Variants in ERBB4 observed in about 807,000 individuals in gnomAD.
ERBB4 encodes the protein erb-b2 receptor tyrosine kinase 4, also known as receptor tyrosine-protein kinase erbB-4.
ERBB4 carries 42 observed loss-of-function variants against 158.0 expected under a neutral mutation model. That is an observed-to-expected ratio of 0.27 (90% CI 0.21 to 0.34). The LOEUF is 0.34. ERBB4 is among the 10% of genes least tolerant of loss of function. The pLI is 1.00. For synonymous variants in ERBB4, 583 were observed against 558.7 expected (o/e 1.04, Z -0.61); for missense variants, 1,333 against 1,624.1 (o/e 0.82, Z 3.08).
intron 1 of ERBB4, among the ~76,000 whole-genome samples, chr2:212,164,520 A>C (rs2081291744): frequency 6.6e-6 from 1 of 151,994 alleles, no homozygotes; most frequent in African/African-American, 2.4e-5. Flanking sequence ...ATGTATCCTT[A>C]ACTTTGAAAT....
intron 1 of ERBB4, among the ~76,000 whole-genome samples, chr2:212,443,467 T>C (rs1477197693): frequency 1.3e-5 from 2 of 152,160 alleles, no homozygotes; most frequent in East Asian, 1.9e-4. Context: ...AGGTGAAGCA[T>C]AAGTTGCTGC....
intron 21 of ERBB4, 116 bp from the exon 22 acceptor site, chr2:211,428,599 T>TATAG: frequency 3.4e-6 from 2 of 590,526 alleles, no homozygotes; most frequent in Non-Finnish European, 6.2e-6. Flanking sequence ...ATTATGTGTG[T>TATAG]ATAGATATAA....
At chr2:212,423,481 T>C (rs1206855822) in intron 1 of ERBB4, among the ~76,000 whole-genome samples, 2 of 152,184 alleles carry the variant, frequency 1.3e-5, no homozygotes, top group Non-Finnish European at 2.9e-5. Context: ...GAAAATGCCA[T>C]ATTGATCATT....
At position 212,380,456 on chromosome 2, in the gene ERBB4, C is replaced by CTGTGTGTGTGTG. The variant is rs6147158; in HGVS notation, c.82+157981_82+157992dup. ...ATACCTCAGATACTGAGGAATGACTCTGTGTGTGTGTGTGTGTGTGTGTGT... is the reference window on the plus strand; with the variant it reads ...ATACCTCAGATACTGAGGAATGACTCTGTGTGTGTGTGTGTGTGTGTGTGTGTGTGTGTGTGT... On this transcript the variant is annotated intron_variant, in intron 1 of 27. Transcript: ENST00000342788. 3.3e-3 allele frequency among the ~76,000 whole-genome samples: 471 copies of CTGTGTGTGTGTG among 143,128 alleles called. 4 individuals carry two copies. The highest frequency in any genetic ancestry group is 9.9e-3 in the African/African-American group (383 of 38,828). 93.9% of individuals were successfully genotyped at this position (143,128 alleles called of 152,430 possible).
intron 1 of ERBB4, among the ~76,000 whole-genome samples, chr2:212,322,104 G>T (rs922166462): frequency 5.3e-5 from 8 of 150,304 alleles, no homozygotes. Context: ...TTTGAAAATT[G>T]AGCCTCTATG....
chr2:212,210,480 T>C (rs752431898), intron 1 of ERBB4, among the ~76,000 whole-genome samples: 3 of 152,116 alleles, frequency 2.0e-5, no homozygotes, highest in African/African-American at 4.8e-5. Context: ...CTATAAGATT[T>C]TCAGTTTCAT....
intron 1 of ERBB4, among the ~76,000 whole-genome samples, chr2:212,263,182 G>A (rs2085006554): frequency 6.6e-6 from 1 of 152,100 alleles, no homozygotes; most frequent in Non-Finnish European, 1.5e-5. Context: ...CACCAGAAGC[G>A]AGGAGAGAAA....
intron 1 of ERBB4, among the ~76,000 whole-genome samples, chr2:212,343,949 A>AT (rs879896900): frequency 7.9e-5 from 12 of 152,040 alleles, no homozygotes; most frequent in East Asian, 1.9e-4. Flanking sequence ...TTCCAATGCA[A>AT]TTTTTTTTCC....
intron 5 of ERBB4, among the ~76,000 whole-genome samples, chr2:211,731,628 A>G (rs948702585): frequency 1.1e-4 from 16 of 152,152 alleles, no homozygotes; most frequent in African/African-American, 3.9e-4. Context: ...AATGTTCTCT[A>G]GAGGTACCCT....
At chr2:212,248,191 GT>G (rs1359499814) in intron 1 of ERBB4, among the ~76,000 whole-genome samples, 2 of 152,100 alleles carry the variant, frequency 1.3e-5, no homozygotes, top group African/African-American at 2.4e-5. Context: ...AAAGAAATAT[GT>G]GTTTAGTGCC....
chr2:212,455,093 C>T (rs758885910), intron 1 of ERBB4, among the ~76,000 whole-genome samples: 16 of 152,146 alleles, frequency 1.1e-4, no homozygotes, highest in Admixed American at 2.6e-4. Flanking sequence ...GGGGCTAAGT[C>T]ATAACTTAAT....
chr2:211,750,802 G>T, intron 4 of ERBB4, 98 bp from the exon 5 acceptor site: 1 of 1,050,522 alleles, frequency 9.5e-7, no homozygotes, highest in Non-Finnish European at 1.5e-6. Context: ...GCTCCTTTAT[G>T]AGGATTTTTA....
chr2:212,348,313 G>C (rs1187320330), intron 1 of ERBB4, among the ~76,000 whole-genome samples: 1 of 152,050 alleles, frequency 6.6e-6, no homozygotes, highest in Admixed American at 6.6e-5. Flanking sequence ...ATAGCTGCTG[G>C]AAAGTGTGGC....
chr2:212,183,099 C>T (rs1005897406), intron 1 of ERBB4, among the ~76,000 whole-genome samples: 2 of 151,632 alleles, frequency 1.3e-5, no homozygotes, highest in African/African-American at 2.4e-5. Flanking sequence ...TAAGTTAAAA[C>T]GATGTTTTAA....
At chr2:211,629,746 A>C (rs1359523798) in intron 17 of ERBB4, among the ~76,000 whole-genome samples, 1 of 151,972 alleles carries the variant, frequency 6.6e-6, no homozygotes, top group South Asian at 2.1e-4. Flanking sequence ...AATGCCGCCT[A>C]TCTACAACTA....
chr2:212,057,085 T>C (rs957076528), intron 2 of ERBB4, among the ~76,000 whole-genome samples: 1 of 151,986 alleles, frequency 6.6e-6, no homozygotes, highest in Admixed American at 6.5e-5. Flanking sequence ...TGGAGGAAGA[T>C]CTACCAAGCA....
intron 1 of ERBB4, among the ~76,000 whole-genome samples, chr2:212,364,033 G>A (rs1309604406): frequency 6.6e-6 from 1 of 151,548 alleles, no homozygotes; most frequent in Admixed American, 6.6e-5. Context: ...ACACATCTCT[G>A]GTAAACTGGT....
At chr2:211,475,832 AG>A (rs2064939831) in intron 20 of ERBB4, among the ~76,000 whole-genome samples, 1 of 152,148 alleles carries the variant, frequency 6.6e-6, no homozygotes, top group African/African-American at 2.4e-5. Context: ...AAACAATAAA[AG>A]TAATAAATGT....
intron 20 of ERBB4, among the ~76,000 whole-genome samples, chr2:211,511,035 A>C (rs555372495): frequency 2.0e-5 from 3 of 152,142 alleles, no homozygotes; most frequent in Non-Finnish European, 2.9e-5. Context: ...AAAAAACAAC[A>C]ACCAAAAAAA....
Sources: allele counts gnomAD v4.1 joint callset (sites outside exome capture counted in the v4.1 genomes callset), GRCh38; gene constraint gnomAD v4.1.1; transcripts MANE v1.5; gene names NCBI Gene and HGNC (gene_info 2026-07-23, HGNC 2026-07-21).